The following AP5M1 variants were observed in gnomAD, a reference collection of about 807,000 sequenced individuals.
AP5M1 encodes adaptor related protein complex 5 subunit mu 1.
AP5M1 carries 44 observed loss-of-function variants against 52.3 expected under a neutral mutation model. That is an observed-to-expected ratio of 0.84 (90% CI 0.66 to 1.08). The LOEUF is 1.08. Ranked by LOEUF, AP5M1 falls within the 50% of genes least tolerant of loss-of-function variation. The probability of loss-of-function intolerance (pLI) is 0.00; values close to 1 mark genes in which losing one functional copy is unlikely to be tolerated. For synonymous variants in AP5M1, 213 were observed against 199.0 expected (o/e 1.07, Z -0.59); for missense variants, 526 against 568.4 (o/e 0.93, Z 0.76).
chr14:57,290,812 C>T lies in AP5M1; in HGVS notation c.*1928C>T, dbSNP rs1460490456. ...CTTTTGATTTTGTCTAGAAACCTGTCACTTCAGGATAATTTCTGAAGACAA... is the reference window on the plus strand; with the variant it reads ...CTTTTGATTTTGTCTAGAAACCTGTTACTTCAGGATAATTTCTGAAGACAA... On this transcript the variant is annotated 3_prime_UTR_variant, in exon 8 of 8. Coordinates refer to ENST00000261558, the MANE Select transcript of AP5M1 (RefSeq NM_018229.4). 1 of 151,918 alleles carries T rather than the reference C, an allele frequency of 6.6e-6. No individual in the cohort carries two copies. Among genetic ancestry groups the T allele is most frequent in the Non-Finnish European group, 1.5e-5 (1 of 67,888 alleles). 9.4% of individuals were successfully genotyped at this position (151,918 alleles called of 1,614,324 possible).
intron 6 of AP5M1, among the ~76,000 whole-genome samples, chr14:57,284,149 G>T (rs1216501035): frequency 1.3e-5 from 2 of 152,172 alleles, no homozygotes; most frequent in African/African-American, 4.8e-5. Flanking sequence ...TTACAATGGA[G>T]GTGAAGTTTA....
In AP5M1 at chr14:57,293,085, A is replaced by C. The variant is rs1433108407; in HGVS notation, c.*4201A>C. ...ATAATTTTAAATTTTGAAATATTAT[A>C]TGGAATTTTGCACAGTATTTTGAGA... On this transcript the variant is annotated 3_prime_UTR_variant, in exon 8 of 8. Coordinates refer to ENST00000261558, the MANE Select transcript of AP5M1 (RefSeq NM_018229.4). The C allele has an allele frequency of 6.6e-6, 1 of 151,672 alleles. No homozygotes were observed. Among genetic ancestry groups the C allele is most frequent in the Non-Finnish European group, 1.5e-5 (1 of 67,754 alleles). The allele number at this position is 151,672 out of a possible 1,614,324, so 9.4% of individuals were successfully genotyped here.
rs748141647 is a variant in AP5M1 at position 57,286,266 on chromosome 14, C to T, written c.1337C>T (p.Ala446Val). The T allele has an allele frequency of 5.6e-6, 9 of 1,612,704 alleles. No individual in the cohort carries two copies. Among genetic ancestry groups the T allele is most frequent in the African/African-American group, 1.3e-5 (1 of 74,830 alleles). ...GATTACACACTTACTGGATGTTATGCAGATCAGCATTCAGTTCAAGTTTTT... is the reference window on the plus strand; with the variant it reads ...GATTACACACTTACTGGATGTTATGTAGATCAGCATTCAGTTCAAGTTTTT... ...ILDYTLTGCY[A>V]DQHSVQVFAS... The change falls in exon 7 of 8, where the codon GCA becomes GTA. Residue 446 changes from alanine (A) to valine (V), a missense_variant. By Grantham distance (64) the Ala-to-Val change is moderately conservative. Around this residue, in one of 3 missense-constraint regions of AP5M1, gnomAD observed 97 missense variants for 121.3 expected, o/e 0.80. Transcript: ENST00000261558.
At chr14:57,272,119 G>A (rs1884908697) in intron 1 of AP5M1, among the ~76,000 whole-genome samples, 1 of 152,158 alleles carries the variant, frequency 6.6e-6, no homozygotes, top group Non-Finnish European at 1.5e-5. Context: ...TTTTTTCACT[G>A]TGTTCAGGAT....
intron 1 of AP5M1, among the ~76,000 whole-genome samples, chr14:57,269,789 G>A (rs796840929): frequency 1.3e-5 from 2 of 152,116 alleles, no homozygotes; most frequent in South Asian, 2.1e-4. Context: ...TCCATGCTAA[G>A]TTATATCAGA....
chr14:57,280,725 C>G, intron 3 of AP5M1, among the ~76,000 whole-genome samples: 1 of 152,076 alleles, frequency 6.6e-6, no homozygotes, highest in Non-Finnish European at 1.5e-5. Context: ...GTGTCATGCA[C>G]CTGTAATCCC....
At chr14:57,278,023 C>T (rs566379173) in intron 2 of AP5M1, among the ~76,000 whole-genome samples, 4 of 152,212 alleles carry the variant, frequency 2.6e-5, no homozygotes, top group Admixed American at 2.0e-4. Flanking sequence ...TCTGCTGAAA[C>T]AGAAGATATC....
chr14:57,283,366 G>T, intron 6 of AP5M1, 136 bp downstream of exon 6: 1 of 599,090 alleles, frequency 1.7e-6, no homozygotes, highest in Non-Finnish European at 2.9e-6. Flanking sequence ...GTTCTCTTTT[G>T]GATTTTTGTT....
intron 2 of AP5M1, among the ~76,000 whole-genome samples, chr14:57,277,028 A>G (rs1304823086): frequency 6.6e-6 from 1 of 152,210 alleles, no homozygotes; most frequent in Non-Finnish European, 1.5e-5. Flanking sequence ...CCAGTGGTCC[A>G]AAGTTCTAGA....
At position 57,282,941 on chromosome 14, in the gene AP5M1, A is replaced by G. The variant is rs766719519; in HGVS notation, c.1096A>G (p.Ile366Val). ...AHIPFYNRGP[I>V]THLEYKTSFG... ...ATCCTTTTCTTTTTAAAGAGGTCCA[A>G]TTACACATTTGGAATACAAAACTAG... Residue 366 changes from isoleucine to valine, a missense_variant, in exon 5 of 8, where the codon ATT (isoleucine) becomes GTT (valine). Ile to Val is a conservative substitution (Grantham distance 29). Coordinates refer to ENST00000261558, the MANE Select transcript of AP5M1 (RefSeq NM_018229.4). 13 of 1,585,162 alleles carry G rather than the reference A, an allele frequency of 8.2e-6. No individual in the cohort carries two copies. The highest frequency in any genetic ancestry group is 4.6e-5 in the South Asian group (4 of 86,276).
rs1448093375 is a variant in AP5M1, at chr14:57,274,399, G to A, written c.230G>A (p.Arg77His). The change falls in exon 2 of 8, where the codon CGC (arginine) becomes CAC (histidine). Residue 77 changes from arginine to histidine, a missense_variant. Coordinates refer to ENST00000261558, the MANE Select transcript of AP5M1 (RefSeq NM_018229.4). The stretch of plus-strand genomic sequence containing the variant: ...GTTGAGAGTCGTGATAGCTGTTCAC[G>A]CATCAATAAAACATCCATTTATGGA... ...DFVESRDSCS[R>H]INKTSIYGLL... 2.0e-5 allele frequency: 33 copies of A among 1,613,974 alleles called. No individual in the cohort carries two copies. The East Asian group carries it at 2.5e-4, about 12-fold the overall frequency.
At chr14:57,270,731 C>T (rs1477761501) in intron 1 of AP5M1, among the ~76,000 whole-genome samples, 1 of 152,200 alleles carries the variant, frequency 6.6e-6, no homozygotes, top group Admixed American at 6.5e-5. Flanking sequence ...TTCTAACTGC[C>T]GTTCCCTTCC....
At chr14:57,283,045 TTTTTC>T (rs768810517) in intron 5 of AP5M1, 26 bp downstream of exon 5, 2 of 1,574,414 alleles carry the variant, frequency 1.3e-6, no homozygotes, top group East Asian at 2.3e-5. Flanking sequence ...TTATTGATTT[TTTTTC>T]TTTTCATTTA....
chr14:57,275,864 ATCC>A (rs753033357), intron 2 of AP5M1, among the ~76,000 whole-genome samples: 1 of 152,194 alleles, frequency 6.6e-6, no homozygotes, highest in Non-Finnish European at 1.5e-5. Context: ...CAAAAATAAA[ATCC>A]TCCAGGTAAA....
chr14:57,298,142 C>T lies in AP5M1; in HGVS notation c.*9258C>T, dbSNP rs1206746196. ...AAATGTCCTTCCGAAACTCACTCTA[C>T]AACAGCTTTGTGGGCTCCCTACTAT... On this transcript the variant is annotated 3_prime_UTR_variant, in exon 8 of 8. Transcript: ENST00000261558. 6.6e-6 allele frequency: 1 copy of T among 152,138 alleles called. No homozygotes were observed. The highest frequency in any genetic ancestry group is 1.5e-5 in the Non-Finnish European group (1 of 68,038). The allele number at this position is 152,138 out of a possible 1,614,324, so 9.4% of individuals were successfully genotyped here. A position where few individuals can be genotyped will look rare whatever the true frequency, so the allele number is the denominator to read the frequency against.
Position 57,280,319 on chromosome 14 carries a change from C to CTAG in AP5M1, c.851_853dup (p.Ser284dup). The CTAG allele has an allele frequency of 6.2e-7, 1 of 1,613,394 alleles. No homozygotes were observed. The highest frequency in any genetic ancestry group is 8.5e-7 in the Non-Finnish European group (1 of 1,179,354). On this transcript the variant is annotated inframe_insertion, in exon 3 of 8. Coordinates refer to ENST00000261558, the MANE Select transcript of AP5M1 (RefSeq NM_018229.4). ...TCTCTTGACTCTGCAATTCTGACTT[C>CTAG]TAGTAGTATTGATGCAATGGATGAC...
chr14:57,274,952 T>C, intron 2 of AP5M1, 63 bp downstream of exon 2: 1 of 1,560,846 alleles, frequency 6.4e-7, no homozygotes. Flanking sequence ...AAGTTAAATT[T>C]GCTAGTTGTA....
At chr14:57,280,083 A>G (rs2139690852) in intron 2 of AP5M1, 112 bp from the exon 3 acceptor site, 1 of 780,210 alleles carries the variant, frequency 1.3e-6, no homozygotes, top group South Asian at 1.6e-5. Context: ...AGAGAACAAT[A>G]CCTAGAGAAA....
At chr14:57,277,219 T>G (rs942983644) in intron 2 of AP5M1, among the ~76,000 whole-genome samples, 3 of 152,106 alleles carry the variant, frequency 2.0e-5, no homozygotes, top group Non-Finnish European at 1.5e-5. Context: ...CAATTCCTTC[T>G]AGAATGGATG....
Sources: gnomAD v4.1 joint callset for allele counts (sites outside exome capture counted in the v4.1 genomes callset) on GRCh38, gnomAD v4.1.1 for gene constraint, gnomAD v4.1.1 regional missense constraint, MANE v1.5 for transcripts, NCBI Gene and HGNC (gene_info 2026-07-23, HGNC 2026-07-21) for gene names.